The following DLC1 variants were observed in gnomAD, a reference collection of about 807,000 sequenced individuals.
DLC1 encodes the protein DLC1 Rho GTPase activating protein, also known as rho GTPase-activating protein 7.
A neutral mutation model predicts 140.3 loss-of-function variants in DLC1; 54 were observed. The ratio of observed to expected loss-of-function variants is 0.38; its 90% CI spans 0.31 to 0.48. The LOEUF (loss-of-function observed/expected upper bound fraction) is 0.48. Ranked by LOEUF, DLC1 falls within the 20% of genes least tolerant of loss-of-function variation. DLC1 has a pLI of 0.96. For synonymous variants in DLC1, 986 were observed against 728.1 expected, an observed-to-expected ratio of 1.35 and a Z score of -5.70; for missense variants, 2,536 against 1,907.0, an observed-to-expected ratio of 1.33 and a Z score of -6.14.
rs545998700 is a variant in DLC1, at chr8:13,312,064, A to T, written c.1315-6762T>A. The stretch of plus-strand genomic sequence containing the variant: ...TCTAATCATTATTCTAAGTTTTTTT[A>T]AAAATAATTTCTTTAGGCCGGGCGC... On this transcript the variant is annotated intron_variant, in intron 4 of 17. Coordinates refer to ENST00000276297, the MANE Select transcript of DLC1 (RefSeq NM_182643.3). 2.1e-3 allele frequency among the ~76,000 whole-genome samples: 315 copies of T among 152,240 alleles called. 3 individuals are homozygous for T. Among genetic ancestry groups the T allele is most frequent in the Non-Finnish European group, 3.5e-4 (24 of 68,026 alleles).
chr8:13,530,926 C>G (rs1803074956), intron 1 of DLC1, among the ~76,000 whole-genome samples: 1 of 152,188 alleles, frequency 6.6e-6, no homozygotes, highest in African/African-American at 2.4e-5. Flanking sequence ...GCAAACTTCA[C>G]ATGCTGAAGC....
intron 5 of DLC1, among the ~76,000 whole-genome samples, chr8:13,239,468 G>A (rs1237759672): frequency 6.6e-6 from 1 of 152,252 alleles, no homozygotes; most frequent in East Asian, 1.9e-4. Context: ...CCATCCTTTA[G>A]ACTGATCACA....
At chr8:13,421,832 A>C (rs1838334858) in intron 2 of DLC1, among the ~76,000 whole-genome samples, 1 of 152,226 alleles carries the variant, frequency 6.6e-6, no homozygotes, top group South Asian at 2.1e-4. Flanking sequence ...CTTAACCCTA[A>C]TTTCTGCCTA....
chr8:13,401,106 TAC>T (rs1837274196), intron 3 of DLC1, among the ~76,000 whole-genome samples: 1 of 152,188 alleles, frequency 6.6e-6, no homozygotes, highest in Non-Finnish European at 1.5e-5. Context: ...CTATATGCAA[TAC>T]AGATTTGTGG....
intron 1 of DLC1, among the ~76,000 whole-genome samples, chr8:13,600,914 T>C (rs1805853618): frequency 6.6e-6 from 1 of 151,906 alleles, no homozygotes; most frequent in Admixed American, 6.6e-5. Context: ...TTATTTTATA[T>C]GTAGTATTCA....
At chr8:13,343,962 A>C (rs1374858544) in intron 4 of DLC1, among the ~76,000 whole-genome samples, 2 of 152,194 alleles carry the variant, frequency 1.3e-5, no homozygotes, top group Non-Finnish European at 2.9e-5. Context: ...TCAGTGGTCC[A>C]AGCCATCAAG....
chr8:13,395,824 A>T (rs564852523), intron 3 of DLC1, among the ~76,000 whole-genome samples: 17 of 151,262 alleles, frequency 1.1e-4, no homozygotes, highest in Admixed American at 7.9e-4. Context: ...ATGATTTTGG[A>T]TCAGGGCCAT....
intron 2 of DLC1, among the ~76,000 whole-genome samples, chr8:13,414,942 C>A (rs1223229376): frequency 1.3e-5 from 2 of 152,016 alleles, no homozygotes; most frequent in Non-Finnish European, 2.9e-5. Context: ...TCCTGAGTAG[C>A]TGGGATTACA....
chr8:13,395,854 T>TC (rs770216409), intron 3 of DLC1, among the ~76,000 whole-genome samples: 174 of 151,428 alleles, frequency 1.1e-3, no homozygotes, highest in African/African-American at 3.9e-3. Flanking sequence ...TTCTTCTTCT[T>TC]TGTTTTTTTG....
At chr8:13,449,357 A>G (rs1295826199) in intron 2 of DLC1, among the ~76,000 whole-genome samples, 1 of 152,180 alleles carries the variant, frequency 6.6e-6, no homozygotes, top group Non-Finnish European at 1.5e-5. Context: ...GTGTGGGGCA[A>G]TATTTCCCAG....
intron 4 of DLC1, among the ~76,000 whole-genome samples, chr8:13,321,806 G>C (rs1833136858): frequency 6.6e-6 from 1 of 152,118 alleles, no homozygotes; most frequent in Non-Finnish European, 1.5e-5. Flanking sequence ...AGGCTGTCTT[G>C]ATAATAATTC....
chr8:13,086,297 C>A lies in DLC1; in HGVS notation c.4459G>T (p.Asp1487Tyr), dbSNP rs1817551048. ...ATCAGAATCAGAACATACCTTAAGT[C>A]AACTCTGCACATGTAGGTGAGTTTG... ...KSKLTYMCRV[D>Y]LRGHMPEWYT... Residue 1487 changes from aspartate (D) to tyrosine (Y), a missense_variant, in exon 17 of 18, where the codon GAC becomes TAC. By Grantham distance (160) the Asp-to-Tyr change is radical. Coordinates refer to ENST00000276297, the MANE Select transcript of DLC1 (RefSeq NM_182643.3). The A allele has an allele frequency of 6.2e-7, 1 of 1,613,720 alleles. No homozygotes were observed. Among genetic ancestry groups the A allele is most frequent in the South Asian group, 1.1e-5 (1 of 91,040 alleles).
intron 1 of DLC1, among the ~76,000 whole-genome samples, chr8:13,505,316 G>A (rs1046250242): frequency 2.0e-5 from 3 of 151,922 alleles, no homozygotes; most frequent in Non-Finnish European, 4.4e-5. Flanking sequence ...GTCACTTTCT[G>A]TAGCAGGAAG....
chr8:13,412,303 G>C (rs1019182298), intron 2 of DLC1, among the ~76,000 whole-genome samples: 1 of 152,042 alleles, frequency 6.6e-6, no homozygotes, highest in Non-Finnish European at 1.5e-5. Flanking sequence ...CAATATTTTG[G>C]AAATAGAATT....
intron 1 of DLC1, among the ~76,000 whole-genome samples, chr8:13,575,289 G>T (rs553689790): frequency 6.6e-6 from 1 of 152,228 alleles, no homozygotes; most frequent in South Asian, 2.1e-4. Flanking sequence ...GACTAATGGT[G>T]CCACATATGC....
intron 5 of DLC1, among the ~76,000 whole-genome samples, chr8:13,180,695 A>T (rs954098646): frequency 3.9e-5 from 6 of 152,150 alleles, no homozygotes; most frequent in Non-Finnish European, 8.8e-5. Flanking sequence ...TTGTACAACT[A>T]ATCTCAGTCC....
intron 4 of DLC1, among the ~76,000 whole-genome samples, chr8:13,368,284 TACCAA>T (rs151113748): frequency 0.026 from 3,947 of 152,268 alleles, 76 homozygotes; most frequent in South Asian, 0.086. Context: ...TATTTTCCAT[TACCAA>T]ACTCAAATTC....
chr8:13,409,235 AAAT>A (rs1837687202), intron 2 of DLC1, among the ~76,000 whole-genome samples: 1 of 152,170 alleles, frequency 6.6e-6, no homozygotes, highest in Admixed American at 6.6e-5. Context: ...TATAATACAT[AAAT>A]AATCTGATAT....
intron 2 of DLC1, among the ~76,000 whole-genome samples, chr8:13,438,615 T>C (rs970610246): frequency 1.3e-5 from 2 of 152,126 alleles, no homozygotes; most frequent in African/African-American, 4.8e-5. Flanking sequence ...TCACTTTCCT[T>C]ACCCTGGATT....
Sources: allele counts gnomAD v4.1 joint callset (sites outside exome capture counted in the v4.1 genomes callset), GRCh38; gene constraint gnomAD v4.1.1; transcripts MANE v1.5; gene names NCBI Gene and HGNC (gene_info 2026-07-23, HGNC 2026-07-21).